Variants in PAK6 observed in about 807,000 individuals in gnomAD.
PAK6 encodes the protein p21 (RAC1) activated kinase 6, also known as serine/threonine-protein kinase PAK 6.
PAK6 carries 33 observed loss-of-function variants against 60.8 expected under a neutral mutation model. That is an observed-to-expected ratio of 0.54 (90% confidence interval 0.41 to 0.73). The LOEUF (loss-of-function observed/expected upper bound fraction) is 0.73. Among genes scored for constraint, PAK6 ranks in the 30% least tolerant of loss-of-function variants. PAK6 has a pLI of 0.00. For missense variants in PAK6, 845 were observed against 904.1 expected (o/e 0.93, Z 0.84); for synonymous variants, 404 against 378.5 (o/e 1.07, Z -0.78).
chr15:40,243,147 C>T (rs1369348934), intron 2 of PAK6, among the ~76,000 whole-genome samples: 2 of 152,118 alleles, frequency 1.3e-5, no homozygotes, highest in African/African-American at 4.8e-5. Flanking sequence ...AAATTTACAC[C>T]AATACTGGGC....
intron 5 of PAK6, among the ~76,000 whole-genome samples, chr15:40,269,379 T>C (rs1486350550): frequency 6.6e-6 from 1 of 152,142 alleles, no homozygotes; most frequent in Non-Finnish European, 1.5e-5. Flanking sequence ...ATACTTAAGG[T>C]ATAGCCCCCT....
intron 2 of PAK6, 116 bp downstream of exon 2, chr15:40,240,797 C>T (rs982710839): frequency 8.5e-6 from 3 of 352,020 alleles, no homozygotes; most frequent in African/African-American, 4.4e-5. Context: ...GCTGTGGGTT[C>T]CTGGGTCAAG....
At chr15:40,270,151 G>A (rs2039261728) in intron 5 of PAK6, among the ~76,000 whole-genome samples, 1 of 152,162 alleles carries the variant, frequency 6.6e-6, no homozygotes, top group South Asian at 2.1e-4. Context: ...CAGGTTGACT[G>A]TGTGATGCAG....
intron 2 of PAK6, chr15:40,252,602 C>T (rs184309892): frequency 1.3e-4 from 175 of 1,352,016 alleles, no homozygotes; most frequent in Non-Finnish European, 1.6e-4. Flanking sequence ...GCGGCCCCTC[C>T]TCGGCGTTCC....
exon 5 of PAK6, chr15:40,266,113 C>T (rs777888104): frequency 2.6e-5 from 42 of 1,607,178 alleles, no homozygotes; most frequent in Non-Finnish European, 3.0e-5. Context: ...AAGCAGATGC[C>T]GTGGCCCGAG....
At chr15:40,248,639 G>A (rs910220182) in intron 2 of PAK6, among the ~76,000 whole-genome samples, 5 of 152,200 alleles carry the variant, frequency 3.3e-5, no homozygotes, top group South Asian at 2.1e-4. Flanking sequence ...TGACAGAGTG[G>A]GGGAACCTGA....
At chr15:40,261,932 C>G (rs1486913533) in intron 3 of PAK6, among the ~76,000 whole-genome samples, 7 of 152,134 alleles carry the variant, frequency 4.6e-5, no homozygotes, top group Non-Finnish European at 5.9e-5. Flanking sequence ...TTAGAATGGA[C>G]TCAAGAGAGG....
chr15:40,271,928 C>T (rs1165565012), intron 5 of PAK6, among the ~76,000 whole-genome samples: 3 of 152,216 alleles, frequency 2.0e-5, no homozygotes, highest in Admixed American at 1.3e-4. Flanking sequence ...AAATACCCAG[C>T]GCAGGACCCG....
intron 3 of PAK6, among the ~76,000 whole-genome samples, chr15:40,255,349 C>A (rs1422836091): frequency 6.6e-6 from 1 of 152,196 alleles, no homozygotes; most frequent in African/African-American, 2.4e-5. Flanking sequence ...GGCAGAGAGC[C>A]CAAACATTTT....
intron 3 of PAK6, among the ~76,000 whole-genome samples, chr15:40,257,618 T>A (rs1014099731): frequency 4.6e-5 from 7 of 152,198 alleles, no homozygotes; most frequent in African/African-American, 1.7e-4. Flanking sequence ...CATTCCCAAG[T>A]GGTCTGTCTC....
chr15:40,241,435 G>T (rs1020271047), intron 2 of PAK6, among the ~76,000 whole-genome samples: 3 of 147,462 alleles, frequency 2.0e-5, no homozygotes, highest in African/African-American at 7.6e-5. Flanking sequence ...GGCCTGGTGG[G>T]CCTGGGACTC....
At chr15:40,266,275 A>G (rs1223970801) in exon 5 of PAK6, 10 of 1,611,450 alleles carry the variant, frequency 6.2e-6, no homozygotes, top group South Asian at 4.4e-5. Flanking sequence ...ACGGGCACCA[A>G]TAGGCATGGA....
At chr15:40,250,008 G>C (rs1161617023) in intron 2 of PAK6, among the ~76,000 whole-genome samples, 1 of 152,272 alleles carries the variant, frequency 6.6e-6, no homozygotes, top group Non-Finnish European at 1.5e-5. Flanking sequence ...CAGCAGCCAA[G>C]GCTCCTCAAA....
At chr15:40,262,946 G>A (rs181760237) in intron 3 of PAK6, among the ~76,000 whole-genome samples, 1 of 152,276 alleles carries the variant, frequency 6.6e-6, no homozygotes, top group African/African-American at 2.4e-5. Context: ...TATTCCAAAG[G>A]GCTTGGTCTG....
intron 2 of PAK6, among the ~76,000 whole-genome samples, chr15:40,243,399 A>G (rs532942264): frequency 1.3e-5 from 2 of 152,280 alleles, no homozygotes; most frequent in East Asian, 3.9e-4. Context: ...CTGGGTCTCA[A>G]TTTCCTCTCC....
intron 2 of PAK6, chr15:40,251,047 T>TGACC (rs1261336193): frequency 6.6e-6 from 1 of 152,434 alleles, no homozygotes; most frequent in Non-Finnish European, 1.5e-5. Context: ...GCTTCCTGGG[T>TGACC]GACCACAGGA....
chr15:40,243,269 G>A lies in PAK6; in HGVS notation c.-118+2588G>A, dbSNP rs564292160. On this transcript the variant is annotated intron_variant, in intron 2 of 10. Transcript: ENST00000560346. Reference sequence around the variant, plus strand: ...CAGTTGCAGGAGGAGGTGAAGGCTCGGGGAGATAGACCAGGGCGGGAAGAG... The same window carrying A: ...CAGTTGCAGGAGGAGGTGAAGGCTCAGGGAGATAGACCAGGGCGGGAAGAG... 1.1e-4 allele frequency among the ~76,000 whole-genome samples: 17 copies of A among 152,272 alleles called. No individual in the cohort carries two copies. The East Asian group carries it at 1.4e-3, about 12-fold the overall frequency.
At chr15:40,261,398 G>T (rs1440010617) in intron 3 of PAK6, among the ~76,000 whole-genome samples, 1 of 151,860 alleles carries the variant, frequency 6.6e-6, no homozygotes, top group East Asian at 2.0e-4. Flanking sequence ...TTAGCTGGGC[G>T]TGATGGCGTG....
chr15:40,276,228 C>A, exon 11 of PAK6: 2 of 893,744 alleles, frequency 2.2e-6, no homozygotes, highest in South Asian at 3.1e-5. Flanking sequence ...CCAGCCCCAC[C>A]CTCTGCCCTT....
Sources: gnomAD v4.1 joint callset for allele counts (sites outside exome capture counted in the v4.1 genomes callset) on GRCh38, gnomAD v4.1.1 for gene constraint, MANE v1.5 for transcripts, NCBI Gene and HGNC (gene_info 2026-07-23, HGNC 2026-07-21) for gene names.